Variants in NEDD4L observed in about 807,000 individuals in gnomAD.
NEDD4L encodes E3 ubiquitin-protein ligase NEDD4-like.
In NEDD4L, 54 loss-of-function variants were observed where a neutral mutation model predicts 148.9. The observed-to-expected ratio is 0.36, with a 90% CI of 0.29 to 0.45. The LOEUF is 0.45. Among genes scored for constraint, NEDD4L ranks in the 20% least tolerant of loss-of-function variants. NEDD4L has a pLI of 1.00. For synonymous variants in NEDD4L, 433 were observed against 440.7 expected (o/e 0.98, Z 0.22); for missense variants, 856 against 1,233.8 (o/e 0.69, Z 4.59).
In NEDD4L at chr18:58,363,919, C is replaced by T. The variant is rs555270619; in HGVS notation, c.1768-349C>T. ...TATGTTAGAAGTATTTAGCCAATAACTCTTACCTAAACCACAGCAAAAAAG... is the reference window on the plus strand; with the variant it reads ...TATGTTAGAAGTATTTAGCCAATAATTCTTACCTAAACCACAGCAAAAAAG... On this transcript the variant is annotated intron_variant, in intron 19 of 30. Transcript: ENST00000400345. Among the ~76,000 whole-genome samples the T allele has an allele frequency of 2.6e-5, 4 of 152,308 alleles. No homozygotes were observed. In the East Asian group the frequency reaches 7.7e-4, roughly 29 times the overall value.
rs1160567385 is a variant in NEDD4L at position 58,397,336 on chromosome 18, G to A, written c.*1067G>A. 1.3e-5 allele frequency: 2 copies of A among 152,580 alleles called. No homozygotes were observed. The highest frequency in any genetic ancestry group is 2.9e-5 in the Non-Finnish European group (2 of 68,034). The allele number at this position is 152,580 out of a possible 1,614,324, so 9.5% of individuals were successfully genotyped here. A position where few individuals can be genotyped will look rare whatever the true frequency, so the allele number is the denominator to read the frequency against. ...AAGGCACTTTATGTACTACATGGAGGTCATATCTGGTTTTGTTTTTATTTT... is the reference window on the plus strand; with the variant it reads ...AAGGCACTTTATGTACTACATGGAGATCATATCTGGTTTTGTTTTTATTTT... On this transcript the variant is annotated 3_prime_UTR_variant, in exon 31 of 31. Coordinates refer to ENST00000400345, the MANE Select transcript of NEDD4L (RefSeq NM_001144967.3).
At chr18:58,236,358 A>AAAAAAAAAG (rs2046017029) in intron 2 of NEDD4L, among the ~76,000 whole-genome samples, 1 of 150,914 alleles carries the variant, frequency 6.6e-6, no homozygotes, top group South Asian at 2.1e-4. Context: ...CCCTGTCTCA[A>AAAAAAAAAG]AAAAAAAAGA....
chr18:58,311,237 G>A (rs1311691417), intron 5 of NEDD4L, among the ~76,000 whole-genome samples: 1 of 152,180 alleles, frequency 6.6e-6, no homozygotes, highest in Non-Finnish European at 1.5e-5. Flanking sequence ...TTTATGTGAG[G>A]CACTGATATT....
At chr18:58,143,909 G>A (rs1242851817) in intron 1 of NEDD4L, among the ~76,000 whole-genome samples, 1 of 152,120 alleles carries the variant, frequency 6.6e-6, no homozygotes, top group Non-Finnish European at 1.5e-5. Flanking sequence ...TTTCCCTGTG[G>A]CCTGATATGA....
intron 1 of NEDD4L, among the ~76,000 whole-genome samples, chr18:58,135,671 C>T (rs1163030510): frequency 6.6e-6 from 1 of 152,220 alleles, no homozygotes; most frequent in African/African-American, 2.4e-5. Flanking sequence ...TGGTTCTTGG[C>T]TTTTCTTGTA....
chr18:58,083,984 G>A (rs1246778154), intron 1 of NEDD4L, among the ~76,000 whole-genome samples: 1 of 152,190 alleles, frequency 6.6e-6, no homozygotes, highest in South Asian at 2.1e-4. Context: ...ACCTGCCTCA[G>A]CCCCTCAAAG....
chr18:58,262,880 G>C (rs2049633180), intron 5 of NEDD4L, among the ~76,000 whole-genome samples: 2 of 152,150 alleles, frequency 1.3e-5, no homozygotes, highest in Admixed American at 6.6e-5. Context: ...CACTTTCCTG[G>C]TCTCTAGGCA....
At chr18:58,151,416 G>T (rs1368725399) in intron 1 of NEDD4L, among the ~76,000 whole-genome samples, 1 of 152,106 alleles carries the variant, frequency 6.6e-6, no homozygotes, top group Non-Finnish European at 1.5e-5. Context: ...CATATATTTG[G>T]ATGTTTCCTG....
intron 11 of NEDD4L, 25 bp from the exon 12 acceptor site, chr18:58,333,793 T>C (rs1189392229): frequency 1.3e-6 from 2 of 1,580,592 alleles, no homozygotes; most frequent in Non-Finnish European, 1.7e-6. Context: ...TTCTTGATGC[T>C]TCCTGTCTTT....
intron 5 of NEDD4L, among the ~76,000 whole-genome samples, chr18:58,254,026 C>T (rs1335659110): frequency 2.7e-5 from 4 of 150,540 alleles, no homozygotes; most frequent in Non-Finnish European, 5.9e-5. Flanking sequence ...ATTAACCCAG[C>T]GGAGACAATA....
chr18:58,247,632 T>G (rs1048017481), intron 3 of NEDD4L: 1 of 152,536 alleles, frequency 6.6e-6, no homozygotes, highest in African/African-American at 2.4e-5. Context: ...CTGGTTCGTA[T>G]GCCTCTGCTG....
intron 5 of NEDD4L, among the ~76,000 whole-genome samples, chr18:58,286,010 G>A (rs1156383358): frequency 6.6e-6 from 1 of 152,184 alleles, no homozygotes; most frequent in Non-Finnish European, 1.5e-5. Context: ...CATACCTTAA[G>A]TTCTTATTTA....
intron 5 of NEDD4L, among the ~76,000 whole-genome samples, chr18:58,313,492 G>GT (rs1281846670): frequency 6.6e-6 from 1 of 152,130 alleles, no homozygotes; most frequent in African/African-American, 2.4e-5. Flanking sequence ...CATCTACACC[G>GT]TTTAAAGCCA....
At chr18:58,103,056 G>C (rs1312750836) in intron 1 of NEDD4L, among the ~76,000 whole-genome samples, 1 of 151,874 alleles carries the variant, frequency 6.6e-6, no homozygotes, top group Non-Finnish European at 1.5e-5. Flanking sequence ...CGGTGTTATG[G>C]ACACAGTGAG....
chr18:58,284,501 G>A (rs1212491428), intron 5 of NEDD4L, among the ~76,000 whole-genome samples: 3 of 152,268 alleles, frequency 2.0e-5, no homozygotes. Context: ...TACAGTTTTT[G>A]TGAGACAAAA....
intron 1 of NEDD4L, among the ~76,000 whole-genome samples, chr18:58,072,331 T>C (rs150007478): frequency 9.3e-4 from 141 of 152,222 alleles, no homozygotes; most frequent in African/African-American, 3.3e-3. Flanking sequence ...AATGCTAGCT[T>C]TCCTCCCATT....
chr18:58,328,305 G>T (rs2059492538), intron 9 of NEDD4L, among the ~76,000 whole-genome samples: 1 of 152,150 alleles, frequency 6.6e-6, no homozygotes, highest in Non-Finnish European at 1.5e-5. Flanking sequence ...TTTAGATCCT[G>T]AATTGAGAAC....
At chr18:58,049,976 CAAAAAAAAAAAA>C (rs34040455) in intron 1 of NEDD4L, among the ~76,000 whole-genome samples, 7 of 91,424 alleles carry the variant, frequency 7.7e-5, no homozygotes, top group Middle Eastern at 6.3e-3. Context: ...ACCCTGTCTC[CAAAAAAAAAAAA>C]AAAAAAAAAA....
intron 1 of NEDD4L, among the ~76,000 whole-genome samples, chr18:58,083,613 G>C (rs972328185): frequency 6.6e-6 from 1 of 152,118 alleles, no homozygotes; most frequent in Non-Finnish European, 1.5e-5. Context: ...GCATGAACTC[G>C]GGAGGCAGAG....
Sources: gnomAD v4.1 joint callset for allele counts (sites outside exome capture counted in the v4.1 genomes callset) on GRCh38, gnomAD v4.1.1 for gene constraint, MANE v1.5 for transcripts, NCBI Gene and HGNC (gene_info 2026-07-23, HGNC 2026-07-21) for gene names.